The following EXOSC4 variants were observed in gnomAD, a reference collection of about 807,000 sequenced individuals.
The protein encoded by EXOSC4 is exosome component 4, also known as exosome complex component RRP41.
Under a neutral mutation model 20.0 loss-of-function variants are expected in EXOSC4, and 14 were observed. That is an observed-to-expected ratio of 0.70 (90% CI 0.46 to 1.09). The LOEUF (loss-of-function observed/expected upper bound fraction) is 1.09, where lower values mean the gene tolerates loss of function less well. Among genes scored for constraint, EXOSC4 ranks in the 50% least tolerant of loss-of-function variants. EXOSC4 has a pLI of 0.00. For synonymous variants in EXOSC4, 148 were observed against 146.4 expected (o/e 1.01, Z -0.08); for missense variants, 337 against 334.0 (o/e 1.01, Z -0.07).
Position 144,078,803 on chromosome 8 carries a change from C to G in EXOSC4, c.75C>G (p.Ile25Met), listed in dbSNP as rs782660594. 1 of 1,574,440 alleles carries G rather than the reference C, an allele frequency of 6.4e-7. No individual in the cohort carries two copies. The highest frequency in any genetic ancestry group is 8.6e-7 in the Non-Finnish European group (1 of 1,163,006). The change falls in exon 1 of 3, where the codon ATC becomes ATG. Residue 25 changes from isoleucine to methionine, a missense_variant. Coordinates refer to ENST00000316052, the MANE Select transcript of EXOSC4 (RefSeq NM_019037.3). This position sits in a 1 kb window ranked among gnomAD's most constrained non-coding sequence, Gnocchi z 4.7. ...DGRRAGELRK[I>M]QARMGVFAQA... The stretch of plus-strand genomic sequence containing the variant: ...GGCGCGCCGGGGAGCTGCGCAAGAT[C>G]CAGGCGCGGATGGGCGTGTTCGCGC...
At chr8:144,066,149 TG>T in the EXOSC4 span, among the ~76,000 whole-genome samples, 1 of 152,108 alleles carries the variant, frequency 6.6e-6, no homozygotes, top group East Asian at 1.9e-4. Flanking sequence ...CCCGAGTAGC[TG>T]GGACTACAGG....
the EXOSC4 span, among the ~76,000 whole-genome samples, chr8:144,071,403 A>C: frequency 6.8e-6 from 1 of 147,698 alleles, no homozygotes; most frequent in Non-Finnish European, 1.5e-5. Flanking sequence ...CTCCCGCCTC[A>C]GCCTCCCAAG....
chr8:144,079,918 G>C (rs782680861), intron 1 of EXOSC4, 25 bp from the exon 2 acceptor site: 151 of 1,610,424 alleles, frequency 9.4e-5, no homozygotes, highest in Non-Finnish European at 1.2e-4. Context: ...GAGTGGGCCT[G>C]GCTCATGTGT....
At position 144,078,760 on chromosome 8, in the gene EXOSC4, G is replaced by A; in HGVS notation, c.32G>A (p.Gly11Asp). 1 of 1,523,572 alleles carries A rather than the reference G, an allele frequency of 6.6e-7. No individual in the cohort carries two copies. Among genetic ancestry groups the A allele is most frequent in the Non-Finnish European group, 8.8e-7 (1 of 1,137,160 alleles). The allele number at this position is 1,523,572 out of a possible 1,614,324, so 94.4% of individuals were successfully genotyped here. Residue 11 changes from glycine to aspartate, a missense_variant, in exon 1 of 3, where the codon GGC (glycine) becomes GAC (aspartate). By Grantham distance (94) the Gly-to-Asp change is moderately conservative. Transcript: ENST00000316052. The surrounding 1 kb of genome is among the most constrained non-coding windows in gnomAD (Gnocchi z 4.7). MAGLELLSDQGYRVDGRRAGE... is the reference protein window; with the variant it reads MAGLELLSDQDYRVDGRRAGE... ...GGGCTGGAGCTCTTGTCGGACCAGG[G>A]CTACCGGGTGGACGGGCGGCGCGCC...
chr8:144,078,399 G>C (rs1250445448), upstream of EXOSC4: 2 of 223,268 alleles, frequency 9.0e-6, no homozygotes, highest in Non-Finnish European at 1.8e-5. The surrounding 1 kb of genome is among the most constrained non-coding windows in gnomAD (Gnocchi z 4.7). Flanking sequence ...GCACAGCTCC[G>C]GGAACGGCTG....
chr8:144,068,476 T>C, the EXOSC4 span, among the ~76,000 whole-genome samples: 1 of 152,212 alleles, frequency 6.6e-6, no homozygotes, highest in African/African-American at 2.4e-5. Flanking sequence ...AGTCCAGTTC[T>C]CATGCTGTGG....
At chr8:144,069,710 C>A in the EXOSC4 span, among the ~76,000 whole-genome samples, 4,739 of 152,326 alleles carry the variant, frequency 0.031, 96 homozygotes, top group Non-Finnish European at 0.047. Context: ...TGTTATTTAG[C>A]CACCACGCTT....
At chr8:144,078,063 T>C (rs1231660459), upstream of EXOSC4, 1 of 152,112 alleles carries the variant, frequency 6.6e-6, no homozygotes, top group Non-Finnish European at 1.5e-5. This position sits in a 1 kb window ranked among gnomAD's most constrained non-coding sequence, Gnocchi z 4.7. Flanking sequence ...TAAACAGACA[T>C]ACAACCCCTC....
chr8:144,076,251 C>T (rs1253317496), upstream of EXOSC4, among the ~76,000 whole-genome samples: 1 of 152,192 alleles, frequency 6.6e-6, no homozygotes, highest in Non-Finnish European at 1.5e-5. Context: ...CAGGAGAGGA[C>T]GTGGCCAGCT....
the EXOSC4 span, among the ~76,000 whole-genome samples, chr8:144,069,763 C>T: frequency 6.6e-6 from 1 of 152,244 alleles, no homozygotes; most frequent in South Asian, 2.1e-4. Flanking sequence ...ACCACACACA[C>T]ATCCATCAGC....
the EXOSC4 span, among the ~76,000 whole-genome samples, chr8:144,065,465 A>C: frequency 6.6e-6 from 1 of 152,074 alleles, no homozygotes; most frequent in African/African-American, 2.4e-5. Context: ...GCAGGGGCTC[A>C]CACCTGTAAT....
upstream of EXOSC4, among the ~76,000 whole-genome samples, chr8:144,074,299 G>A (rs190416252): frequency 7.0e-4 from 107 of 152,342 alleles, no homozygotes; most frequent in Middle Eastern, 3.4e-3. Flanking sequence ...GCTGGAGGGG[G>A]TGTTGTGGGG....
At chr8:144,074,786 C>T (rs1835821960), upstream of EXOSC4, among the ~76,000 whole-genome samples, 1 of 152,098 alleles carries the variant, frequency 6.6e-6, no homozygotes, top group African/African-American at 2.4e-5. Context: ...GTTGCCCAGG[C>T]TGGTCTCGGA....
chr8:144,077,393 G>T (rs1554762879), upstream of EXOSC4, among the ~76,000 whole-genome samples: 1 of 152,218 alleles, frequency 6.6e-6, no homozygotes, highest in Admixed American at 6.5e-5. Flanking sequence ...GGTGGCAAGT[G>T]GCAGAGGGTG....
the EXOSC4 span, among the ~76,000 whole-genome samples, chr8:144,073,619 A>C: frequency 2.6e-5 from 4 of 152,076 alleles, no homozygotes; most frequent in Admixed American, 2.6e-4. Flanking sequence ...TTGGGAGGCC[A>C]AAGCAGGCAG....
At chr8:144,074,359 G>A (rs1227029546), upstream of EXOSC4, among the ~76,000 whole-genome samples, 2 of 152,022 alleles carry the variant, frequency 1.3e-5, no homozygotes, top group African/African-American at 2.4e-5. Context: ...TGGGCTTAGC[G>A]GGAACAGTCA....
chr8:144,077,064 A>G (rs34838196), upstream of EXOSC4, among the ~76,000 whole-genome samples: 7,786 of 144,716 alleles, frequency 0.054, 738 homozygotes, highest in African/African-American at 0.19. Flanking sequence ...GTGAGACTCC[A>G]TCTCCAAAAA....
upstream of EXOSC4, among the ~76,000 whole-genome samples, chr8:144,074,297 G>C (rs1554762477): frequency 6.6e-6 from 1 of 152,200 alleles, no homozygotes. Flanking sequence ...GAGCTGGAGG[G>C]GGTGTTGTGG....
At chr8:144,074,108 A>G (rs1835815202), upstream of EXOSC4, among the ~76,000 whole-genome samples, 2 of 152,230 alleles carry the variant, frequency 1.3e-5, no homozygotes, top group African/African-American at 4.8e-5. Flanking sequence ...GATCAGTTCC[A>G]GGATCCTCAG....
Sources: gnomAD v4.1 joint callset for allele counts (sites outside exome capture counted in the v4.1 genomes callset) on GRCh38, gnomAD v4.1.1 for gene constraint, Gnocchi (gnomAD v3.1) non-coding constraint, MANE v1.5 for transcripts, NCBI Gene and HGNC (gene_info 2026-07-23, HGNC 2026-07-21) for gene names.